Variants in SMIM7 observed in about 807,000 individuals in gnomAD.
The protein encoded by SMIM7 is UPF0608 protein C19orf42.
In SMIM7, 12 loss-of-function variants were observed where a neutral mutation model predicts 13.3. The observed-to-expected ratio is 0.90, with a 90% confidence interval of 0.58 to 1.46. The LOEUF is 1.46. Among genes scored for constraint, SMIM7 ranks in the 40% most tolerant of loss-of-function variants. SMIM7 has a pLI of 0.00. For missense variants in SMIM7, 114 were observed against 94.8 expected, an observed-to-expected ratio of 1.20 and a Z score of -0.84; for synonymous variants, 36 against 35.8, an observed-to-expected ratio of 1.01 and a Z score of -0.02.
downstream of SMIM7, chr19:16,644,790 A>G (rs2086433343): frequency 6.6e-6 from 1 of 152,176 alleles, no homozygotes; most frequent in African/African-American, 2.4e-5. Context: ...TGCACAAAGA[A>G]AAGTGGATGA....
intron 3 of SMIM7, chr19:16,659,059 G>T: frequency 2.9e-6 from 1 of 347,898 alleles, no homozygotes; most frequent in South Asian, 2.8e-5. Flanking sequence ...CCAAGGCAGG[G>T]ATCACTTGAA....
chr19:16,657,692 C>T (rs979004197), intron 3 of SMIM7, among the ~76,000 whole-genome samples: 1 of 152,192 alleles, frequency 6.6e-6, no homozygotes, highest in African/African-American at 2.4e-5. Flanking sequence ...TGGGTCAGCA[C>T]CCAAGGGCAG....
intron 4 of SMIM7, chr19:16,652,560 C>T: frequency 8.9e-7 from 1 of 1,120,714 alleles, no homozygotes; most frequent in Non-Finnish European, 1.1e-6. Context: ...TGTTCCTAGG[C>T]AAGTCTCATA....
At chr19:16,641,841 A>G (rs1442762162), downstream of SMIM7, among the ~76,000 whole-genome samples, 4 of 152,160 alleles carry the variant, frequency 2.6e-5, no homozygotes, top group African/African-American at 9.6e-5. Context: ...TCAGCTTCCC[A>G]AAGTGTGGGG....
intron 2 of SMIM7, 62 bp downstream of exon 2, chr19:16,659,897 C>CT (rs1414349565): frequency 7.7e-6 from 12 of 1,555,660 alleles, no homozygotes; most frequent in Admixed American, 1.9e-5. Flanking sequence ...CGAGATCACG[C>CT]TTATGAGGGC....
chr19:16,654,194 A>T lies in SMIM7; in HGVS notation c.122-69T>A, dbSNP rs78098658. 820 of 1,373,988 alleles carry T rather than the reference A, an allele frequency of 6.0e-4. 9 individuals are homozygous for T. In the East Asian group the frequency reaches 0.015, roughly 25 times the overall value. The allele number at this position is 1,373,988 out of a possible 1,614,324, so 85.1% of individuals were successfully genotyped here. On this transcript the variant is annotated intron_variant, in intron 3 of 4. Coordinates refer to ENST00000487416, the MANE Select transcript of SMIM7 (RefSeq NM_024104.4). ...ATCCCTACTGCCACCTCAGCAGTGGATTTTTGTGACTTCCACCCACCCGGC... is the reference window on the plus strand; with the variant it reads ...ATCCCTACTGCCACCTCAGCAGTGGTTTTTTGTGACTTCCACCCACCCGGC...
intron 3 of SMIM7, among the ~76,000 whole-genome samples, chr19:16,656,215 G>A (rs1374335254): frequency 2.0e-5 from 3 of 152,000 alleles, no homozygotes; most frequent in South Asian, 4.1e-4. Context: ...GTGAAACCAC[G>A]TTTCTATTAA....
downstream of SMIM7, chr19:16,641,362 A>G (rs57153090): frequency 0.34 from 50,480 of 149,732 alleles, 12,096 homozygotes; most frequent in African/African-American, 0.69. Flanking sequence ...GCAATGGTGC[A>G]ATCTCGGTTC....
chr19:16,642,020 C>T (rs2086407825), downstream of SMIM7, among the ~76,000 whole-genome samples: 1 of 152,192 alleles, frequency 6.6e-6, no homozygotes, highest in Non-Finnish European at 1.5e-5. Context: ...CTTCAATGTG[C>T]AATGGTGGAG....
intron 4 of SMIM7, among the ~76,000 whole-genome samples, chr19:16,632,092 AC>A (rs1374350018): frequency 6.6e-6 from 1 of 151,298 alleles, no homozygotes; most frequent in Non-Finnish European, 1.5e-5. Flanking sequence ...ATGGTCTCAA[AC>A]TCCTGACTTC....
At chr19:16,649,762 T>C (rs188476119) in intron 4 of SMIM7, among the ~76,000 whole-genome samples, 47 of 152,230 alleles carry the variant, frequency 3.1e-4, no homozygotes, top group East Asian at 2.5e-3. Flanking sequence ...AACTGGGGAA[T>C]AGTCATACAA....
intron 4 of SMIM7, chr19:16,652,749 G>C: frequency 6.8e-7 from 1 of 1,460,698 alleles, no homozygotes; most frequent in South Asian, 1.5e-5. Context: ...CCCACATTCG[G>C]AGTCTCAATC....
chr19:16,649,809 C>T (rs1389120633), intron 4 of SMIM7, among the ~76,000 whole-genome samples: 1 of 152,170 alleles, frequency 6.6e-6, no homozygotes, highest in Non-Finnish European at 1.5e-5. Flanking sequence ...TGAAGCACTG[C>T]TCCAGGCTAC....
At chr19:16,658,718 T>C (rs796787217) in intron 3 of SMIM7, among the ~76,000 whole-genome samples, 6 of 152,228 alleles carry the variant, frequency 3.9e-5, no homozygotes, top group African/African-American at 1.4e-4. Flanking sequence ...AACAGCTATG[T>C]GTGAGGTTGT....
At chr19:16,659,807 A>T in intron 2 of SMIM7, 152 bp downstream of exon 2, 1 of 983,612 alleles carries the variant, frequency 1.0e-6, no homozygotes, top group South Asian at 1.4e-5. Flanking sequence ...GGGGCGAGGA[A>T]GATAAACCAG....
chr19:16,650,961 C>T (rs1267991013), intron 4 of SMIM7, among the ~76,000 whole-genome samples: 1 of 152,216 alleles, frequency 6.6e-6, no homozygotes, highest in African/African-American at 2.4e-5. Context: ...GCCTTCTTCA[C>T]TTTCAGAACG....
In SMIM7 at chr19:16,631,931, G is replaced by A. The variant is rs941989463; in HGVS notation, c.*138-207C>T. ...TGTTGCCAGTCTGGAGTGCAGTGGC[G>A]TGATCTTGGCTCACTGCAATCTCCG... is the stretch of plus-strand genomic sequence containing the variant. On this transcript the variant is annotated intron_variant and NMD_transcript_variant, in intron 4 of 4. Transcript: ENST00000465250. Among the ~76,000 whole-genome samples the A allele has an allele frequency of 4.6e-5, 7 of 150,728 alleles. No homozygotes were observed. The East Asian group carries it at 7.8e-4, about 17-fold the overall frequency.
At chr19:16,655,796 G>A (rs1027127050) in intron 3 of SMIM7, among the ~76,000 whole-genome samples, 15 of 150,476 alleles carry the variant, frequency 1.0e-4, no homozygotes, top group African/African-American at 3.7e-4. Context: ...CACAACACAA[G>A]CCCAGAAATT....
chr19:16,650,311 T>C (rs1361065408), intron 4 of SMIM7, among the ~76,000 whole-genome samples: 1 of 152,236 alleles, frequency 6.6e-6, no homozygotes, highest in Non-Finnish European at 1.5e-5. Context: ...CAATGTAAGT[T>C]ATAGATGACA....
Sources: allele counts gnomAD v4.1 joint callset (sites outside exome capture counted in the v4.1 genomes callset), GRCh38; gene constraint gnomAD v4.1.1; transcripts MANE v1.5; gene names NCBI Gene and HGNC (gene_info 2026-07-23, HGNC 2026-07-21).